Variants in PRKN observed in about 807,000 individuals in gnomAD.
The protein encoded by PRKN is E3 ubiquitin-protein ligase parkin.
A neutral mutation model predicts 59.5 loss-of-function variants in PRKN; 56 were observed. That is an observed-to-expected ratio of 0.94 (90% CI 0.76 to 1.18). The LOEUF (loss-of-function observed/expected upper bound fraction) is 1.18. PRKN is among the 50% of genes most tolerant of loss of function. The pLI is 0.00. For synonymous variants in PRKN, 250 were observed against 222.1 expected (o/e 1.13, Z -1.12); for missense variants, 657 against 596.4 (o/e 1.10, Z -1.06).
rs929401126 is a variant in PRKN, at chr6:161,725,034, G to A, written c.871+60738C>T. Among the ~76,000 whole-genome samples the A allele has an allele frequency of 2.6e-5, 4 of 152,216 alleles. No individual in the cohort carries two copies. The South Asian group carries it at 8.3e-4, about 32-fold the overall frequency. ...CTCTCCCATGTGAGATACCACTTTT[G>A]CTTTTCCTCCTGCCATGAGTCAAAG... On this transcript the variant is annotated intron_variant, in intron 7 of 11. Transcript: ENST00000366898.
At chr6:161,939,418 CAAAAAAA>C (rs34604240) in intron 6 of PRKN, among the ~76,000 whole-genome samples, 15 of 39,594 alleles carry the variant, frequency 3.8e-4, no homozygotes, top group African/African-American at 1.3e-3. Context: ...GACTCTGTCT[CAAAAAAA>C]AAAAAAAAAA....
chr6:162,082,024 C>G (rs1779079782), intron 4 of PRKN, among the ~76,000 whole-genome samples: 1 of 152,126 alleles, frequency 6.6e-6, no homozygotes, highest in African/African-American at 2.4e-5. Flanking sequence ...CTCTCTCAGC[C>G]TTCATAGAAT....
At chr6:161,521,952 C>T (rs780626379) in intron 9 of PRKN, among the ~76,000 whole-genome samples, 1 of 152,132 alleles carries the variant, frequency 6.6e-6, no homozygotes, top group Non-Finnish European at 1.5e-5. Context: ...TGTAATCCAT[C>T]AGAACAGAGA....
At chr6:162,134,988 A>G (rs1437340135) in intron 4 of PRKN, among the ~76,000 whole-genome samples, 1 of 152,228 alleles carries the variant, frequency 6.6e-6, no homozygotes, top group African/African-American at 2.4e-5. Context: ...TATACATGTT[A>G]TAACAAAACC....
At chr6:162,556,802 G>T (rs116884606) in intron 1 of PRKN, among the ~76,000 whole-genome samples, 2,399 of 150,072 alleles carry the variant, frequency 0.016, 41 homozygotes, top group Non-Finnish European at 0.025. Context: ...GAGAATGCAA[G>T]TGATTATTAT....
chr6:161,787,773 C>T (rs552577315), intron 6 of PRKN, among the ~76,000 whole-genome samples: 29 of 151,658 alleles, frequency 1.9e-4, no homozygotes, highest in Middle Eastern at 3.2e-3. Flanking sequence ...AGCGAAAGCC[C>T]GTCTCTACCA....
Position 161,853,988 on chromosome 6 carries a change from G to A in PRKN, c.735-68080C>T, listed in dbSNP as rs527923010. On this transcript the variant is annotated intron_variant, in intron 6 of 11. Transcript: ENST00000366898. ...TGGCCCGGTATGGTGGCTCATGCCT[G>A]TAATCCCAACACTTCGGGAGACCAA... Among the ~76,000 whole-genome samples the A allele has an allele frequency of 2.9e-3, 438 of 151,210 alleles. 4 individuals carry two copies. Among genetic ancestry groups the A allele is most frequent in the Non-Finnish European group, 3.7e-3 (251 of 67,886 alleles).
At chr6:161,798,392 A>T (rs912754536) in intron 6 of PRKN, among the ~76,000 whole-genome samples, 5 of 152,216 alleles carry the variant, frequency 3.3e-5, no homozygotes. Flanking sequence ...CTGGCCTCAG[A>T]ATCCCATTTC....
chr6:162,280,909 G>T (rs1167956994), intron 2 of PRKN, among the ~76,000 whole-genome samples: 1 of 151,620 alleles, frequency 6.6e-6, no homozygotes, highest in Non-Finnish European at 1.5e-5. Context: ...AATGAATGCA[G>T]GAGCTGTTCA....
intron 6 of PRKN, among the ~76,000 whole-genome samples, chr6:161,838,985 T>G (rs1439916276): frequency 6.6e-6 from 1 of 152,004 alleles, no homozygotes; most frequent in Non-Finnish European, 1.5e-5. Context: ...TCCGCAGTGC[T>G]TGCTCTAGAG....
Position 161,410,180 on chromosome 6 carries a change from G to A in PRKN, c.1084-23303C>T, listed in dbSNP as rs1052423326. Reference sequence around the variant, plus strand: ...TTGCATAAGTTGTGGCAGGGGGCCTGGGGCAGGTGGGTGGCCAGGAATCTG... The same window carrying A: ...TTGCATAAGTTGTGGCAGGGGGCCTAGGGCAGGTGGGTGGCCAGGAATCTG... On this transcript the variant is annotated intron_variant, in intron 9 of 11. Transcript: ENST00000366898. This position sits in a 1 kb window ranked among gnomAD's most constrained non-coding sequence, Gnocchi z 5.3. 4.6e-5 allele frequency among the ~76,000 whole-genome samples: 7 copies of A among 152,114 alleles called. No individual in the cohort carries two copies. Among genetic ancestry groups the A allele is most frequent in the African/African-American group, 1.7e-4 (7 of 41,402 alleles).
intron 1 of PRKN, among the ~76,000 whole-genome samples, chr6:162,625,193 C>T (rs1231977890): frequency 6.6e-6 from 1 of 152,198 alleles, no homozygotes; most frequent in Non-Finnish European, 1.5e-5. Context: ...CGTGCCACTG[C>T]AAACTCACGA....
intron 7 of PRKN, among the ~76,000 whole-genome samples, chr6:161,748,988 G>A (rs888289739): frequency 2.6e-5 from 4 of 152,138 alleles, no homozygotes; most frequent in Admixed American, 2.6e-4. Context: ...CGCCGCCAGG[G>A]GGCAGCTGGG....
At chr6:162,714,711 T>C (rs886343707) in intron 1 of PRKN, among the ~76,000 whole-genome samples, 4 of 152,228 alleles carry the variant, frequency 2.6e-5, no homozygotes, top group South Asian at 4.1e-4. Flanking sequence ...GAGCATTTCA[T>C]GGAGAAAAGC....
chr6:161,807,656 C>T (rs534197775), intron 6 of PRKN, among the ~76,000 whole-genome samples: 1 of 152,314 alleles, frequency 6.6e-6, no homozygotes, highest in South Asian at 2.1e-4. Flanking sequence ...TCCCTCCAGT[C>T]TCTGCCTCTG....
At chr6:162,384,220 A>T (rs967709829) in intron 2 of PRKN, among the ~76,000 whole-genome samples, 12 of 152,196 alleles carry the variant, frequency 7.9e-5, no homozygotes, top group Non-Finnish European at 1.6e-4. Flanking sequence ...TCAGTTTTGG[A>T]CATGGCTTCC....
chr6:162,403,610 G>C (rs1258834555), intron 2 of PRKN, among the ~76,000 whole-genome samples: 1 of 152,094 alleles, frequency 6.6e-6, no homozygotes, highest in Non-Finnish European at 1.5e-5. Flanking sequence ...CTAAAACACA[G>C]CCTGACACAG....
intron 2 of PRKN, among the ~76,000 whole-genome samples, chr6:162,303,063 A>G (rs1239261717): frequency 6.6e-6 from 1 of 151,980 alleles, no homozygotes; most frequent in Non-Finnish European, 1.5e-5. Context: ...AAACTGTCAA[A>G]AGAACATAAA....
intron 6 of PRKN, among the ~76,000 whole-genome samples, chr6:161,903,470 T>A (rs1342509783): frequency 1.3e-5 from 2 of 152,182 alleles, no homozygotes; most frequent in Non-Finnish European, 1.5e-5. Flanking sequence ...GGGTGGGACC[T>A]TCGTTTCTGA....
Sources: allele counts gnomAD v4.1 joint callset (sites outside exome capture counted in the v4.1 genomes callset), GRCh38; gene constraint gnomAD v4.1.1; non-coding constraint Gnocchi (gnomAD v3.1); transcripts MANE v1.5; gene names NCBI Gene and HGNC (gene_info 2026-07-23, HGNC 2026-07-21).